The following STAG3 variants were observed in gnomAD, a reference collection of about 807,000 sequenced individuals.
STAG3 encodes the protein STAG3 cohesin complex component, also known as cohesin subunit SA-3.
STAG3 carries 101 observed loss-of-function variants against 160.7 expected under a neutral mutation model. That is an observed-to-expected ratio of 0.63 (90% CI 0.54 to 0.74). The LOEUF is 0.74. Among genes scored for constraint, STAG3 ranks in the 30% least tolerant of loss-of-function variants. STAG3 has a pLI of 0.00. For missense variants in STAG3, 1,188 were observed against 1,517.4 expected, an observed-to-expected ratio of 0.78 and a Z score of 3.61; for synonymous variants, 519 against 585.0, an observed-to-expected ratio of 0.89 and a Z score of 1.63.
chr7:100,204,809 A>G (rs1413460142), intron 27 of STAG3, 34 bp downstream of exon 27: 2 of 1,605,038 alleles, frequency 1.2e-6, no homozygotes, highest in Non-Finnish European at 1.7e-6. Context: ...GTGTCCAGGG[A>G]GGGCTGGGAA....
downstream of STAG3, among the ~76,000 whole-genome samples, chr7:100,216,183 G>A (rs536633854): frequency 2.8e-4 from 43 of 152,302 alleles, no homozygotes; most frequent in Non-Finnish European, 5.0e-4. Context: ...TGGAGCCCAT[G>A]AGCATAGTAA....
chr7:100,185,158 C>T (rs1799914418), intron 4 of STAG3, among the ~76,000 whole-genome samples: 1 of 152,176 alleles, frequency 6.6e-6, no homozygotes, highest in East Asian at 1.9e-4. Flanking sequence ...GATCTTCCCA[C>T]CTCAGCCCCT....
At chr7:100,197,353 G>A (rs1800756121) in intron 10 of STAG3, 74 bp downstream of exon 10, 7 of 1,585,282 alleles carry the variant, frequency 4.4e-6, no homozygotes, top group South Asian at 3.3e-5. Context: ...CCTTTTCCTG[G>A]GCCTGCCACT....
intron 8 of STAG3, among the ~76,000 whole-genome samples, chr7:100,193,190 A>G (rs549619445): frequency 1.3e-5 from 2 of 152,344 alleles, no homozygotes; most frequent in African/African-American, 4.8e-5. Context: ...TCAGGAAACC[A>G]TACTGTGAAC....
Position 100,205,210 on chromosome 7 carries a change from T to G in STAG3, c.3081-17T>G. ...CCCAGTAGCCCCTTCAGGCTTTTGG[T>G]TCTACCTCTTTCATAGACTGTCCTA... On this transcript the variant is annotated splice_polypyrimidine_tract_variant and intron_variant, in intron 28 of 33. Coordinates refer to ENST00000615138, the MANE Select transcript of STAG3 (RefSeq NM_001282717.2). 1 of 1,613,564 alleles carries G rather than the reference T, an allele frequency of 6.2e-7. No homozygotes were observed.
chr7:100,212,404 C>G (rs1387184293), intron 32 of STAG3: 1 of 152,380 alleles, frequency 6.6e-6, no homozygotes, highest in Non-Finnish European at 1.5e-5. Flanking sequence ...AACTCCATGT[C>G]AAGTTAGCGC....
chr7:100,197,556 G>A, intron 10 of STAG3: 1 of 636,922 alleles, frequency 1.6e-6, no homozygotes, highest in African/African-American at 1.8e-5. Flanking sequence ...CAGGTGCTAA[G>A]GGGCAGCCAA....
Position 100,213,406 on chromosome 7 carries a change from CAGA to C in STAG3, c.3601-326_3601-324del, listed in dbSNP as rs1563013478. 1.0e-5 allele frequency: 10 copies of C among 985,330 alleles called. No homozygotes were observed. In the South Asian group the frequency reaches 2.8e-4, roughly 28 times the overall value. 61.0% of individuals were successfully genotyped at this position (985,330 alleles called of 1,614,324 possible). On this transcript the variant is annotated intron_variant, in intron 32 of 33. Transcript: ENST00000615138. ...GAACAGAACAGGGGAGTCTTGTGCTCAGAAGGAGAAACCAAACAATGATACCTT... is the reference window on the plus strand; with the variant it reads ...GAACAGAACAGGGGAGTCTTGTGCTCAGGAGAAACCAAACAATGATACCTT...
intron 25 of STAG3, among the ~76,000 whole-genome samples, chr7:100,203,538 G>T (rs747651793): frequency 6.7e-6 from 1 of 149,962 alleles, no homozygotes; most frequent in South Asian, 2.1e-4. Flanking sequence ...TTTTTGAGAC[G>T]GAATCTCGCT....
chr7:100,186,236 G>C lies in STAG3; in HGVS notation c.373G>C (p.Asp125His). The change falls in exon 5 of 34, where the codon GAC (aspartate) becomes CAC (histidine). Residue 125 changes from aspartate to histidine, a missense_variant. Around this residue, in one of 4 missense-constraint regions of STAG3, gnomAD observed 296 missense variants for 404.0 expected, o/e 0.73. Transcript: ENST00000615138. Reference sequence around the variant, plus strand: ...TGAGTGGCTGGATAGCTACAAGCAAGACCAGGATGCAGGATTTCTGGAGCT... The same window carrying C: ...TGAGTGGCTGGATAGCTACAAGCAACACCAGGATGCAGGATTTCTGGAGCT... ...VDEWLDSYKQ[D>H]QDAGFLELVN... The C allele has an allele frequency of 1.2e-6, 2 of 1,614,092 alleles. No homozygotes were observed. The highest frequency in any genetic ancestry group is 1.7e-6 in the Non-Finnish European group (2 of 1,180,000).
At position 100,182,104 on chromosome 7, in the gene STAG3, T is replaced by C. The variant is rs1432062096; in HGVS notation, c.131T>C (p.Leu44Ser). ...NHTSEGNGDS[L>S]LADEDTDFED... ...CTTTCTCACAGGAATGGCGACTCTTTGTTAGCTGATGAAGACACTGACTTT... is the reference window on the plus strand; with the variant it reads ...CTTTCTCACAGGAATGGCGACTCTTCGTTAGCTGATGAAGACACTGACTTT... The change falls in exon 3 of 34, where the codon TTG (leucine) becomes TCG (serine). Residue 44 changes from leucine (L) to serine (S), a missense_variant. Physicochemically the swap from Leu to Ser is moderately radical, Grantham distance 145. Transcript: ENST00000615138. 1 of 1,613,422 alleles carries C rather than the reference T, an allele frequency of 6.2e-7. No individual in the cohort carries two copies. The highest frequency in any genetic ancestry group is 1.3e-5 in the African/African-American group (1 of 74,848).
chr7:100,187,676 C>T (rs1800109477), intron 5 of STAG3, among the ~76,000 whole-genome samples: 1 of 151,748 alleles, frequency 6.6e-6, no homozygotes, highest in Non-Finnish European at 1.5e-5. Flanking sequence ...TCGGCTTAAC[C>T]TCCTTGGGCT....
chr7:100,197,370 T>C, intron 10 of STAG3, 91 bp downstream of exon 10: 1 of 1,546,842 alleles, frequency 6.5e-7, no homozygotes, highest in Non-Finnish European at 8.9e-7. Context: ...CACTGAGATA[T>C]TTTACCTAGT....
intron 4 of STAG3, among the ~76,000 whole-genome samples, chr7:100,183,214 A>T (rs1799766673): frequency 6.6e-6 from 1 of 152,104 alleles, no homozygotes; most frequent in Admixed American, 6.5e-5. Context: ...GGGTTTCGCC[A>T]TGTTGGCCAG....
At position 100,202,465 on chromosome 7, in the gene STAG3, G is replaced by A; in HGVS notation, c.2575G>A (p.Glu859Lys). The change falls in exon 25 of 34, where the codon GAG becomes AAG. Residue 859 changes from glutamate (E) to lysine (K), a missense_variant. Transcript: ENST00000615138. ...TCCATGTGAGCCAGGTGATTCCCAG[G>A]AGGATCATTTACAGATAGAGCGGCT... The part of the protein sequence containing the change: ...PGDLGSGDSQ[E>K]DHLQIERLHQ... 2 of 1,613,654 alleles carry A rather than the reference G, an allele frequency of 1.2e-6. No individual in the cohort carries two copies. Among genetic ancestry groups the A allele is most frequent in the Non-Finnish European group, 1.7e-6 (2 of 1,179,694 alleles).
At chr7:100,213,688 CAGGAGTGTGTA>C in intron 32 of STAG3, 36 bp from the exon 33 acceptor site, 2 of 1,613,712 alleles carry the variant, frequency 1.2e-6, no homozygotes, top group Non-Finnish European at 8.5e-7. Context: ...TGCGAAGTGA[CAGGAGTGTGTA>C]AAGGCCTTTT....
intron 5 of STAG3, among the ~76,000 whole-genome samples, chr7:100,187,547 G>A (rs1800097176): frequency 1.3e-5 from 2 of 152,188 alleles, no homozygotes; most frequent in Admixed American, 6.5e-5. Context: ...TGGAACTGAA[G>A]GTGGAGGTGC....
chr7:100,218,065 C>T (rs1802922747), downstream of STAG3, among the ~76,000 whole-genome samples: 1 of 150,050 alleles, frequency 6.7e-6, no homozygotes, highest in Non-Finnish European at 1.5e-5. Context: ...TCTTCCCAGG[C>T]ACTGGCACCA....
At chr7:100,211,732 G>T in intron 31 of STAG3, 63 bp from the exon 32 acceptor site, 1 of 1,576,918 alleles carries the variant, frequency 6.3e-7, no homozygotes, top group Non-Finnish European at 8.7e-7. Flanking sequence ...CCGGGTGTCT[G>T]AGAAACTCTC....
Sources: allele counts gnomAD v4.1 joint callset (sites outside exome capture counted in the v4.1 genomes callset), GRCh38; gene constraint gnomAD v4.1.1; regional missense constraint gnomAD v4.1.1; transcripts MANE v1.5; gene names NCBI Gene and HGNC (gene_info 2026-07-23, HGNC 2026-07-21).